Variants in GRIP1 observed in about 807,000 individuals in gnomAD.
GRIP1 encodes glutamate receptor-interacting protein 1.
In GRIP1, 45 loss-of-function variants were observed where a neutral mutation model predicts 129.9. That is an observed-to-expected ratio of 0.35 (90% CI 0.27 to 0.44). GRIP1 has a LOEUF of 0.44. Ranked by LOEUF, GRIP1 falls within the 20% of genes least tolerant of loss-of-function variation. The pLI, the probability that GRIP1 is intolerant of heterozygous loss-of-function variation, is 1.00. For synonymous variants in GRIP1, 530 were observed against 520.8 expected (o/e 1.02, Z -0.24); for missense variants, 1,196 against 1,396.8 (o/e 0.86, Z 2.29).
intron 7 of GRIP1, among the ~76,000 whole-genome samples, chr12:66,502,976 C>T (rs1003371275): frequency 6.6e-6 from 1 of 152,122 alleles, no homozygotes; most frequent in Non-Finnish European, 1.5e-5. Flanking sequence ...CAGGAGAGGG[C>T]TCTGCTCCCC....
chr12:66,792,825 A>G (rs1305018763), intron 1 of GRIP1, among the ~76,000 whole-genome samples: 1 of 152,154 alleles, frequency 6.6e-6, no homozygotes, highest in Non-Finnish European at 1.5e-5. Context: ...GCCAAGCTCA[A>G]ACTGGATAAC....
chr12:66,771,008 G>A (rs1462896300), intron 1 of GRIP1, among the ~76,000 whole-genome samples: 1 of 152,040 alleles, frequency 6.6e-6, no homozygotes, highest in African/African-American at 2.4e-5. Context: ...CAGGAGAATC[G>A]CTTGAACCCA....
At chr12:66,665,417 T>C (rs1443787782) in intron 1 of GRIP1, among the ~76,000 whole-genome samples, 1 of 152,136 alleles carries the variant, frequency 6.6e-6, no homozygotes, top group East Asian at 1.9e-4. Flanking sequence ...AATCACAACT[T>C]AGAATAAGAA....
intron 1 of GRIP1, among the ~76,000 whole-genome samples, chr12:67,017,406 G>A (rs1029663010): frequency 6.6e-6 from 1 of 151,738 alleles, no homozygotes; most frequent in African/African-American, 2.4e-5. Flanking sequence ...TGAAGAATTA[G>A]GTGTATTTTA....
At chr12:66,909,149 CTTG>C (rs527391123) in intron 1 of GRIP1, among the ~76,000 whole-genome samples, 1 of 152,012 alleles carries the variant, frequency 6.6e-6, no homozygotes, top group South Asian at 2.1e-4. Context: ...TCTCTCTATC[CTTG>C]TTATCATTCA....
At chr12:66,821,328 T>C (rs1050247207) in intron 1 of GRIP1, among the ~76,000 whole-genome samples, 10 of 152,192 alleles carry the variant, frequency 6.6e-5, no homozygotes, top group Non-Finnish European at 1.2e-4. Context: ...AAAATGGAGC[T>C]AAATATTTTG....
At chr12:66,787,604 T>C (rs1450717099) in intron 1 of GRIP1, among the ~76,000 whole-genome samples, 1 of 152,094 alleles carries the variant, frequency 6.6e-6, no homozygotes, top group South Asian at 2.1e-4. Context: ...AGTGCCCTTA[T>C]AAAAGTGATC....
At chr12:66,649,285 G>C (rs1001471157) in intron 1 of GRIP1, among the ~76,000 whole-genome samples, 2 of 152,104 alleles carry the variant, frequency 1.3e-5, no homozygotes, top group African/African-American at 4.8e-5. Flanking sequence ...CCCACTTCCT[G>C]AAGAATAGAC....
intron 1 of GRIP1, among the ~76,000 whole-genome samples, chr12:66,851,292 G>A (rs61928275): frequency 0.09 from 13,694 of 151,864 alleles, 692 homozygotes; most frequent in South Asian, 0.17. Context: ...AAGTGGAGAC[G>A]GGGCTGCACA....
chr12:66,669,845 G>T (rs914979726), intron 1 of GRIP1, among the ~76,000 whole-genome samples: 1 of 152,152 alleles, frequency 6.6e-6, no homozygotes, highest in Non-Finnish European at 1.5e-5. Context: ...GACTTCAAGA[G>T]CACAGAACAT....
chr12:66,915,099 C>T (rs2041098394), intron 1 of GRIP1, among the ~76,000 whole-genome samples: 2 of 152,198 alleles, frequency 1.3e-5, no homozygotes, highest in South Asian at 2.1e-4. Flanking sequence ...TCTCAGTCTT[C>T]TGCAGACAAA....
At chr12:66,883,674 T>C (rs1246108735) in intron 1 of GRIP1, among the ~76,000 whole-genome samples, 1 of 152,194 alleles carries the variant, frequency 6.6e-6, no homozygotes, top group Non-Finnish European at 1.5e-5. Flanking sequence ...CGTCCTGGTT[T>C]GCATAGTAAA....
chr12:66,565,220 T>A (rs893287764), intron 2 of GRIP1, among the ~76,000 whole-genome samples: 9 of 152,178 alleles, frequency 5.9e-5, no homozygotes, highest in Non-Finnish European at 1.2e-4. Context: ...CTGAATGGTA[T>A]TGCCTAGGTT....
At chr12:66,917,029 C>T (rs2041135164) in intron 1 of GRIP1, among the ~76,000 whole-genome samples, 1 of 152,008 alleles carries the variant, frequency 6.6e-6, no homozygotes. Flanking sequence ...ACAAATGTTC[C>T]AAATTTTATT....
At chr12:66,589,651 G>A (rs1241354734) in intron 2 of GRIP1, among the ~76,000 whole-genome samples, 4 of 152,076 alleles carry the variant, frequency 2.6e-5, no homozygotes, top group African/African-American at 9.7e-5. Context: ...TAAAATTACA[G>A]AGAGTAAAGC....
At chr12:67,056,127 T>A (rs2135868821) in intron 1 of GRIP1, among the ~76,000 whole-genome samples, 1 of 152,350 alleles carries the variant, frequency 6.6e-6, no homozygotes, top group East Asian at 1.9e-4. Context: ...CCATACCATG[T>A]CTATTCCAGT....
At chr12:66,932,281 G>A (rs74098150) in intron 1 of GRIP1, among the ~76,000 whole-genome samples, 14 of 152,230 alleles carry the variant, frequency 9.2e-5, no homozygotes, top group African/African-American at 3.1e-4. Flanking sequence ...AGCAACAAAA[G>A]TTGCAACCAC....
chr12:66,464,288 G>A (rs2059220111), intron 8 of GRIP1, among the ~76,000 whole-genome samples: 1 of 152,138 alleles, frequency 6.6e-6, no homozygotes, highest in African/African-American at 2.4e-5. Context: ...TAATTAATTA[G>A]ATGGAAAGGT....
At chr12:67,013,899 G>A (rs1487342262) in intron 1 of GRIP1, among the ~76,000 whole-genome samples, 1 of 152,224 alleles carries the variant, frequency 6.6e-6, no homozygotes, top group African/African-American at 2.4e-5. Context: ...TTCAGGCCTT[G>A]GCGATTGGTT....
Sources: gnomAD v4.1 joint callset for allele counts (sites outside exome capture counted in the v4.1 genomes callset) on GRCh38, gnomAD v4.1.1 for gene constraint, MANE v1.5 for transcripts, NCBI Gene and HGNC (gene_info 2026-07-23, HGNC 2026-07-21) for gene names.